RNF220: variants seen among roughly 807,000 people sequenced by gnomAD.
The protein encoded by RNF220 is E3 ubiquitin-protein ligase RNF220.
In RNF220, 7 loss-of-function variants were observed where a neutral mutation model predicts 67.1. That is an observed-to-expected ratio of 0.10 (90% CI 0.06 to 0.20). The LOEUF is 0.20. RNF220 is among the 10% of genes least tolerant of loss of function. The probability of loss-of-function intolerance (pLI) is 1.00; values close to 1 mark genes in which losing one functional copy is unlikely to be tolerated. For synonymous variants in RNF220, 270 were observed against 283.2 expected (o/e 0.95, Z 0.47); for missense variants, 565 against 740.3 (o/e 0.76, Z 2.75).
intron 2 of RNF220, among the ~76,000 whole-genome samples, chr1:44,557,295 A>G (rs1260501141): frequency 2.7e-5 from 4 of 150,804 alleles, no homozygotes; most frequent in African/African-American, 9.8e-5. Context: ...CTGAGATGGG[A>G]GCATCGATTG....
intron 2 of RNF220, among the ~76,000 whole-genome samples, chr1:44,462,000 T>C (rs1653823220): frequency 6.7e-6 from 1 of 148,734 alleles, no homozygotes; most frequent in African/African-American, 2.5e-5. Flanking sequence ...CCATCTTGGC[T>C]CACTGTGACC....
intron 2 of RNF220, among the ~76,000 whole-genome samples, chr1:44,535,444 G>A (rs1331546181): frequency 2.0e-5 from 3 of 152,132 alleles, no homozygotes. Context: ...CGGCCAGGAG[G>A]CAGCTTCTTC....
chr1:44,427,569 A>G (rs546520825), intron 2 of RNF220, among the ~76,000 whole-genome samples: 3 of 152,338 alleles, frequency 2.0e-5, no homozygotes, highest in Admixed American at 1.3e-4. Flanking sequence ...TAAGAAAAAA[A>G]GTTTGTCAAA....
intron 4 of RNF220, among the ~76,000 whole-genome samples, chr1:44,623,651 ATG>A (rs1181995797): frequency 6.6e-6 from 1 of 152,174 alleles, no homozygotes; most frequent in Non-Finnish European, 1.5e-5. Flanking sequence ...AGATTTGGGA[ATG>A]GGTGGAATCA....
At chr1:44,625,263 C>CA (rs1643905781) in intron 4 of RNF220, among the ~76,000 whole-genome samples, 1 of 152,194 alleles carries the variant, frequency 6.6e-6, no homozygotes, top group East Asian at 1.9e-4. Flanking sequence ...CAGAGAATCC[C>CA]ATGCAGGCCC....
intron 8 of RNF220, among the ~76,000 whole-genome samples, chr1:44,639,672 A>C (rs1407578762): frequency 6.6e-6 from 1 of 152,210 alleles, no homozygotes; most frequent in African/African-American, 2.4e-5. Flanking sequence ...CTTATCTTTC[A>C]TGAGTTCCTT....
chr1:44,581,625 C>T (rs1004741745), intron 2 of RNF220, among the ~76,000 whole-genome samples: 1 of 152,082 alleles, frequency 6.6e-6, no homozygotes, highest in Non-Finnish European at 1.5e-5. Context: ...AGAGAGGGAC[C>T]TTTGAGGGAC....
At chr1:44,515,791 A>C (rs1659408795) in intron 2 of RNF220, among the ~76,000 whole-genome samples, 1 of 152,202 alleles carries the variant, frequency 6.6e-6, no homozygotes, top group Admixed American at 6.5e-5. Flanking sequence ...AGCTTACAGA[A>C]GTTTCCTCCT....
intron 2 of RNF220, among the ~76,000 whole-genome samples, chr1:44,437,947 G>A (rs1233416105): frequency 6.6e-6 from 1 of 152,126 alleles, no homozygotes; most frequent in African/African-American, 2.4e-5. Flanking sequence ...CTCATGAGGG[G>A]TTGGGAAAGG....
chr1:44,631,923 G>A (rs1288268048), intron 5 of RNF220: 10 of 987,596 alleles, frequency 1.0e-5, no homozygotes, highest in African/African-American at 8.7e-5. Flanking sequence ...CCGCCGCATT[G>A]TGAACTTTCA....
chr1:44,553,404 GAATGAAT>G (rs1409036489), intron 2 of RNF220, among the ~76,000 whole-genome samples: 2 of 151,886 alleles, frequency 1.3e-5, no homozygotes, highest in African/African-American at 4.8e-5. Context: ...ATGAATGAAT[GAATGAAT>G]GCTTCATGGC....
rs1044309842 is a variant in RNF220, at chr1:44,412,341, A to G, written c.244A>G (p.Thr82Ala). The change falls in exon 2 of 15, where the codon ACT (threonine) becomes GCT (alanine). Residue 82 changes from threonine to alanine, a missense_variant. Transcript: ENST00000361799. This position sits in a 1 kb window ranked among gnomAD's most constrained non-coding sequence, Gnocchi z 5.3. Reference protein sequence around the residue: ...MYHRQGGVPGTFANRDFPPSL... With the variant: ...MYHRQGGVPGAFANRDFPPSL... ...CCATCGGCAAGGTGGGGTGCCAGGC[A>G]CTTTTGCCAATCGTGATTTCCCCCC... 6.2e-7 allele frequency: 1 copy of G among 1,614,098 alleles called. No individual in the cohort carries two copies. The highest frequency in any genetic ancestry group is 8.5e-7 in the Non-Finnish European group (1 of 1,180,024).
At position 44,617,378 on chromosome 1, in the gene RNF220, C is replaced by T. The variant is rs147605813; in HGVS notation, c.758+3081C>T. Among the ~76,000 whole-genome samples the T allele has an allele frequency of 2.1e-4, 32 of 152,332 alleles. 1 individual carries two copies. In the East Asian group the frequency reaches 6.0e-3, roughly 28 times the overall value. ...CCCTCCCTCCCTGCGGCCGCTGCGC[C>T]CACCGGACTGTGGGCTGGACCGGCC... On this transcript the variant is annotated intron_variant, in intron 3 of 14. Coordinates refer to ENST00000361799, the MANE Select transcript of RNF220 (RefSeq NM_018150.4).
chr1:44,513,324 T>C (rs923646392), intron 2 of RNF220, among the ~76,000 whole-genome samples: 15 of 152,188 alleles, frequency 9.9e-5, no homozygotes, highest in South Asian at 2.1e-4. Context: ...GCCTGGCCCA[T>C]GGGGGCCAGC....
intron 2 of RNF220, among the ~76,000 whole-genome samples, chr1:44,476,926 G>A (rs1296860817): frequency 2.0e-5 from 3 of 152,210 alleles, no homozygotes; most frequent in Non-Finnish European, 4.4e-5. Flanking sequence ...TGGTCCAGAA[G>A]CAAGCAGGGA....
intron 2 of RNF220, among the ~76,000 whole-genome samples, chr1:44,503,944 G>A (rs1168338901): frequency 6.6e-6 from 1 of 152,128 alleles, no homozygotes; most frequent in Non-Finnish European, 1.5e-5. Context: ...CCACGTCTTG[G>A]GTTCAAGCGA....
At chr1:44,443,308 T>C (rs1331831578) in intron 2 of RNF220, among the ~76,000 whole-genome samples, 1 of 152,224 alleles carries the variant, frequency 6.6e-6, no homozygotes, top group East Asian at 1.9e-4. Flanking sequence ...TCACCCCTTA[T>C]AACTAATCAA....
chr1:44,456,806 T>A (rs956717070), intron 2 of RNF220, among the ~76,000 whole-genome samples: 4 of 152,168 alleles, frequency 2.6e-5, no homozygotes, highest in African/African-American at 9.6e-5. Context: ...TCCTGCAGGG[T>A]CTAGCCCTCT....
intron 3 of RNF220, among the ~76,000 whole-genome samples, chr1:44,618,922 A>G (rs1000214724): frequency 3.3e-5 from 5 of 152,024 alleles, no homozygotes; most frequent in Non-Finnish European, 7.4e-5. Flanking sequence ...TTCTAACTTG[A>G]ATGATTGGGA....
Sources: allele counts gnomAD v4.1 joint callset (sites outside exome capture counted in the v4.1 genomes callset), GRCh38; gene constraint gnomAD v4.1.1; non-coding constraint Gnocchi (gnomAD v3.1); transcripts MANE v1.5; gene names NCBI Gene and HGNC (gene_info 2026-07-23, HGNC 2026-07-21).